DGKK: variants seen among roughly 807,000 people sequenced by gnomAD.
The protein encoded by DGKK is diacylglycerol kinase kappa.
DGKK carries 35 observed loss-of-function variants against 92.2 expected under a neutral mutation model. The observed-to-expected ratio is 0.38, with a 90% CI of 0.29 to 0.50. The LOEUF is 0.50. Among genes scored for constraint, DGKK ranks in the 20% least tolerant of loss-of-function variants. The probability of loss-of-function intolerance (pLI) is 0.92; values close to 1 mark genes in which losing one functional copy is unlikely to be tolerated. For missense variants in DGKK, 910 were observed against 992.2 expected (o/e 0.92, Z 1.11); for synonymous variants, 368 against 360.6 (o/e 1.02, Z -0.23).
intron 1 of DGKK, among the ~76,000 whole-genome samples, chrX:50,446,913 G>A: frequency 9.0e-6 from 1 of 110,608 alleles, no homozygotes. Context: ...GTGCATGCAT[G>A]TGTGCATGTG....
At chrX:50,402,125 C>T (rs976675911) in intron 7 of DGKK, among the ~76,000 whole-genome samples, 1 of 111,701 alleles carries the variant, frequency 9.0e-6, no homozygotes, top group Non-Finnish European at 1.9e-5. Flanking sequence ...AGAGTGTGGT[C>T]GGCTGGGAAC....
chrX:50,395,519 T>C (rs1268845549), intron 8 of DGKK, among the ~76,000 whole-genome samples: 3 of 111,230 alleles, frequency 2.7e-5, no homozygotes, highest in African/African-American at 9.8e-5. Flanking sequence ...TCAAAGGCCC[T>C]TTGGGGGTAG....
chrX:50,372,787 G>T (rs992676932), intron 25 of DGKK, among the ~76,000 whole-genome samples: 1 of 112,314 alleles, frequency 8.9e-6, no homozygotes. Context: ...AGTAAGTAGT[G>T]AGCTGGGAGA....
At chrX:50,437,888 T>C (rs1926073577) in intron 1 of DGKK, among the ~76,000 whole-genome samples, 1 of 111,023 alleles carries the variant, frequency 9.0e-6, no homozygotes. Context: ...GACTCTGAGA[T>C]TGTGCCCTAA....
At chrX:50,462,528 T>C (rs782703041) in intron 1 of DGKK, among the ~76,000 whole-genome samples, 1 of 109,017 alleles carries the variant, frequency 9.2e-6, no homozygotes, top group East Asian at 2.9e-4. Context: ...TCCCTTTTCC[T>C]CAAATATTTT....
At chrX:50,387,957 C>G (rs1404624755) in intron 13 of DGKK, among the ~76,000 whole-genome samples, 1 of 112,436 alleles carries the variant, frequency 8.9e-6, no homozygotes, top group Admixed American at 9.4e-5. Flanking sequence ...CTTGGTCCAA[C>G]TTGGGTCAGG....
At chrX:50,414,470 T>A (rs1925382659) in intron 4 of DGKK, among the ~76,000 whole-genome samples, 1 of 111,649 alleles carries the variant, frequency 9.0e-6, no homozygotes, top group Non-Finnish European at 1.9e-5. Context: ...ATCTGTGTAA[T>A]TATGATTTGT....
In DGKK at chrX:50,386,550, C is replaced by T. The variant is rs868927566; in HGVS notation, c.2155G>A (p.Asp719Asn). ...GCTGCTGCCTCCTCAGCCAGGACAT[C>T]GATCAGGACACTGAGCCTATCATAC... ...LMYDRLSVLI[D>N]VLAEEAAATS... Residue 719 changes from aspartate (D) to asparagine (N), a missense_variant, in exon 15 of 28, where the codon GAT (aspartate) becomes AAT (asparagine). Coordinates refer to ENST00000611977, the MANE Select transcript of DGKK (RefSeq NM_001013742.4). 1.7e-6 allele frequency: 2 copies of T among 1,210,338 alleles called. No homozygotes were observed. Among genetic ancestry groups the T allele is most frequent in the Non-Finnish European group, 2.2e-6 (2 of 894,893 alleles).
At chrX:50,465,237 G>C (rs1557233848) in intron 1 of DGKK, among the ~76,000 whole-genome samples, 1 of 110,755 alleles carries the variant, frequency 9.0e-6, no homozygotes, top group East Asian at 2.8e-4. Flanking sequence ...ATGAGGGTGA[G>C]GATAACTTCC....
chrX:50,460,653 A>T (rs1465478405), intron 1 of DGKK, among the ~76,000 whole-genome samples: 10 of 111,884 alleles, frequency 8.9e-5, no homozygotes, highest in African/African-American at 3.2e-4. Flanking sequence ...TTCTGATCTT[A>T]CTCAATAATG....
chrX:50,370,573 CA>C, intron 26 of DGKK, 24 bp from the exon 27 acceptor site: 1 of 1,184,666 alleles, frequency 8.4e-7, no homozygotes. Context: ...AGAGGAAGGT[CA>C]AAATGTTAGT....
chrX:50,435,444 T>A, intron 1 of DGKK, among the ~76,000 whole-genome samples: 1 of 112,336 alleles, frequency 8.9e-6, no homozygotes, highest in Middle Eastern at 4.6e-3. Flanking sequence ...CAGACAGACA[T>A]CTGAAGGCCT....
At chrX:50,381,779 A>G (rs1428045439) in intron 18 of DGKK, among the ~76,000 whole-genome samples, 1 of 112,173 alleles carries the variant, frequency 8.9e-6, no homozygotes, top group East Asian at 2.8e-4. Context: ...ATACTTTTGT[A>G]TTTCAAAGAT....
rs782621013 is a variant in DGKK, at chrX:50,368,890, G to C, written c.*50C>G. The C allele has an allele frequency of 9.1e-7, 1 of 1,100,884 alleles. No homozygotes were observed. The highest frequency in any genetic ancestry group is 1.9e-5 in the South Asian group (1 of 51,944). The allele number at this position is 1,100,884 out of a possible 1,213,427, so 90.7% of individuals were successfully genotyped here. On this transcript the variant is annotated 3_prime_UTR_variant, in exon 28 of 28. Coordinates refer to ENST00000611977, the MANE Select transcript of DGKK (RefSeq NM_001013742.4). Reference sequence around the variant, plus strand: ...TCTAGCCTGTATTGAGGTTTTGAGAGTTTTTTTAGTAGAATTCTCAATGTT... The same window carrying C: ...TCTAGCCTGTATTGAGGTTTTGAGACTTTTTTTAGTAGAATTCTCAATGTT...
chrX:50,414,552 G>C (rs782338788), intron 4 of DGKK, among the ~76,000 whole-genome samples: 1 of 111,047 alleles, frequency 9.0e-6, no homozygotes, highest in South Asian at 3.8e-4. Flanking sequence ...TTTGATTATA[G>C]TTAAAATTAT....
intron 1 of DGKK, among the ~76,000 whole-genome samples, chrX:50,459,972 T>C (rs1926703924): frequency 8.9e-6 from 1 of 112,403 alleles, no homozygotes; most frequent in Non-Finnish European, 1.9e-5. Flanking sequence ...TAGTGCACAG[T>C]GATGTGAATA....
rs186168482 is a variant in DGKK at position 50,436,298 on chromosome X, A to T, written c.646-11940T>A. On this transcript the variant is annotated intron_variant, in intron 1 of 27. Coordinates refer to ENST00000611977, the MANE Select transcript of DGKK (RefSeq NM_001013742.4). ...CTAATCATGTTACATTGGTTATCTC[A>T]TTTGATTTTAGCAACTCTGAAAGAT... Among the ~76,000 whole-genome samples the T allele has an allele frequency of 2.9e-3, 327 of 112,160 alleles. 2 individuals carry two copies. Among genetic ancestry groups the T allele is most frequent in the African/African-American group, 9.7e-3 (299 of 30,915 alleles).
At chrX:50,371,295 G>C (rs1924118658) in intron 26 of DGKK, among the ~76,000 whole-genome samples, 1 of 111,849 alleles carries the variant, frequency 8.9e-6, no homozygotes, top group African/African-American at 3.2e-5. Context: ...AGTATGGCCT[G>C]GGCACCAACC....
intron 1 of DGKK, among the ~76,000 whole-genome samples, chrX:50,448,751 T>G (rs1160492437): frequency 9.0e-6 from 1 of 111,187 alleles, no homozygotes; most frequent in Non-Finnish European, 1.9e-5. Context: ...GAGTCACAGT[T>G]GAAGGTGTCC....
Sources: gnomAD v4.1 joint callset for allele counts (sites outside exome capture counted in the v4.1 genomes callset) on GRCh38, gnomAD v4.1.1 for gene constraint, MANE v1.5 for transcripts, NCBI Gene and HGNC (gene_info 2026-07-23, HGNC 2026-07-21) for gene names.